The following PRKAR1B variants were observed in gnomAD, a reference collection of about 807,000 sequenced individuals.
The protein encoded by PRKAR1B is protein kinase cAMP-dependent type I regulatory subunit beta.
PRKAR1B carries 22 observed loss-of-function variants against 46.5 expected under a neutral mutation model. The ratio of observed to expected loss-of-function variants is 0.47; its 90% CI spans 0.34 to 0.68. The LOEUF is 0.68. Among genes scored for constraint, PRKAR1B ranks in the 30% least tolerant of loss-of-function variants. The probability of loss-of-function intolerance (pLI) is 0.01; values close to 1 mark genes in which losing one functional copy is unlikely to be tolerated. For missense variants in PRKAR1B, 445 were observed against 535.6 expected, an observed-to-expected ratio of 0.83 and a Z score of 1.67; for synonymous variants, 259 against 217.7, an observed-to-expected ratio of 1.19 and a Z score of -1.67.
intron 4 of PRKAR1B, among the ~76,000 whole-genome samples, chr7:665,389 G>A (rs548348912): frequency 1.1e-4 from 17 of 152,250 alleles, no homozygotes; most frequent in African/African-American, 3.9e-4. Flanking sequence ...CGGCAGCCTC[G>A]GGGGCCACGG....
intron 9 of PRKAR1B, among the ~76,000 whole-genome samples, chr7:553,488 G>A (rs1439168074): frequency 3.3e-5 from 5 of 152,220 alleles, no homozygotes; most frequent in African/African-American, 1.2e-4. Context: ...CTGAGGCCCA[G>A]GAAGGTGGCA....
chr7:667,299 T>C lies in PRKAR1B; in HGVS notation c.440+9930A>G, dbSNP rs77571064. Among the ~76,000 whole-genome samples the C allele has an allele frequency of 0.028, 4,262 of 152,302 alleles. 213 individuals are homozygous for C. The highest frequency in any genetic ancestry group is 0.097 in the African/African-American group (4,017 of 41,536). On this transcript the variant is annotated intron_variant, in intron 4 of 10. Coordinates refer to ENST00000537384, the MANE Select transcript of PRKAR1B (RefSeq NM_001164760.2). The surrounding 1 kb of genome is among the most constrained non-coding windows in gnomAD (Gnocchi z 4.3). The stretch of plus-strand genomic sequence containing the variant: ...CTTGCTTTATATTCTCACAACAACC[T>C]CAAAGTAGGTTTTATTATCTTCATT...
intron 8 of PRKAR1B, among the ~76,000 whole-genome samples, chr7:583,821 C>T (rs959398868): frequency 4.6e-5 from 7 of 151,702 alleles, no homozygotes; most frequent in African/African-American, 9.7e-5. Context: ...TGCACACACA[C>T]GCACACACAC....
rs1451653641 is a variant in PRKAR1B at position 593,964 on chromosome 7, C to T, written c.708+2182G>A. 2.0e-5 allele frequency among the ~76,000 whole-genome samples: 3 copies of T among 152,166 alleles called. No individual in the cohort carries two copies. Among genetic ancestry groups the T allele is most frequent in the African/African-American group, 4.8e-5 (2 of 41,446 alleles). On this transcript the variant is annotated intron_variant, in intron 7 of 10. Coordinates refer to ENST00000537384, the MANE Select transcript of PRKAR1B (RefSeq NM_001164760.2). The surrounding 1 kb of genome is among the most constrained non-coding windows in gnomAD (Gnocchi z 6.1). ...ACAAGAGCCGGCATCGCCGTGGGGCCGGGACAGGCCAGCGCCAGCAGGACA... is the reference window on the plus strand; with the variant it reads ...ACAAGAGCCGGCATCGCCGTGGGGCTGGGACAGGCCAGCGCCAGCAGGACA...
Position 584,587 on chromosome 7 carries a change from A to G in PRKAR1B, c.709-19T>C. The G allele has an allele frequency of 6.2e-7, 1 of 1,605,328 alleles. No individual in the cohort carries two copies. Among genetic ancestry groups the G allele is most frequent in the Non-Finnish European group, 8.5e-7 (1 of 1,173,310 alleles). ...TGCTGCCCTGTTCGGGAGAAAGTAA[A>G]AAACAGACAAGAAGGTGAATCTTCA... On this transcript the variant is annotated intron_variant, in intron 7 of 10. Transcript: ENST00000537384.
At chr7:653,780 T>C (rs1482013539) in intron 4 of PRKAR1B, among the ~76,000 whole-genome samples, 4 of 152,142 alleles carry the variant, frequency 2.6e-5, no homozygotes, top group Non-Finnish European at 4.4e-5. Flanking sequence ...AAATGGGTTA[T>C]ATACACTTAA....
In PRKAR1B at chr7:667,887, G is replaced by C. The variant is rs753217047; in HGVS notation, c.440+9342C>G. ...CACCATCCTAGAAGGACAGGCAGGC[G>C]GTCTGGGGGAGTTGCAGCCTCCCTC... On this transcript the variant is annotated intron_variant, in intron 4 of 10. Transcript: ENST00000537384. This position sits in a 1 kb window ranked among gnomAD's most constrained non-coding sequence, Gnocchi z 4.3. 6.6e-6 allele frequency among the ~76,000 whole-genome samples: 1 copy of C among 152,180 alleles called. No individual in the cohort carries two copies. Among genetic ancestry groups the C allele is most frequent in the South Asian group, 2.1e-4 (1 of 4,828 alleles).
chr7:684,073 C>T (rs1562614266), intron 2 of PRKAR1B, among the ~76,000 whole-genome samples: 1 of 152,018 alleles, frequency 6.6e-6, no homozygotes, highest in Non-Finnish European at 1.5e-5. Context: ...CCGATGCCCA[C>T]CTCCATGTGC....
At chr7:555,006 C>T (rs912309155) in intron 9 of PRKAR1B, among the ~76,000 whole-genome samples, 9 of 152,186 alleles carry the variant, frequency 5.9e-5, no homozygotes, top group Non-Finnish European at 1.2e-4. Flanking sequence ...GCTGCCGTGG[C>T]TCCGGGAGTC....
intron 4 of PRKAR1B, among the ~76,000 whole-genome samples, chr7:674,089 C>T (rs1009631599): frequency 4.6e-5 from 7 of 152,248 alleles, no homozygotes; most frequent in African/African-American, 1.7e-4. Flanking sequence ...CTCACTTCAT[C>T]ACATCTGCAA....
intron 4 of PRKAR1B, among the ~76,000 whole-genome samples, chr7:673,512 G>C (rs1395042347): frequency 6.6e-6 from 1 of 151,920 alleles, no homozygotes; most frequent in African/African-American, 2.4e-5. Context: ...AGCCAGGCAT[G>C]GTGGCGGGCG....
At chr7:642,970 A>T (rs1784465278) in intron 4 of PRKAR1B, among the ~76,000 whole-genome samples, 1 of 151,280 alleles carries the variant, frequency 6.6e-6, no homozygotes, top group Non-Finnish European at 1.5e-5. Context: ...CCCCTTCTGT[A>T]AAGGATGGAT....
intron 6 of PRKAR1B, among the ~76,000 whole-genome samples, chr7:600,933 C>T (rs1404429699): frequency 1.3e-5 from 2 of 152,214 alleles, no homozygotes; most frequent in South Asian, 2.1e-4. Flanking sequence ...AACACACGGA[C>T]GGCAGCAGGC....
chr7:567,541 C>CCATCAT (rs1382469535), intron 9 of PRKAR1B, among the ~76,000 whole-genome samples: 1 of 148,082 alleles, frequency 6.8e-6, no homozygotes, highest in Admixed American at 6.7e-5. Flanking sequence ...ATCACTATCA[C>CCATCAT]CATCATCATC....
At chr7:605,641 A>C (rs1426827540) in intron 6 of PRKAR1B, among the ~76,000 whole-genome samples, 1 of 152,120 alleles carries the variant, frequency 6.6e-6, no homozygotes, top group Non-Finnish European at 1.5e-5. Context: ...AAACAGTGGG[A>C]GCATCTCATA....
chr7:662,746 C>T (rs945791807), intron 4 of PRKAR1B, among the ~76,000 whole-genome samples: 26 of 152,184 alleles, frequency 1.7e-4, no homozygotes, highest in Non-Finnish European at 3.2e-4. Context: ...TGCCTGAGCT[C>T]CCCTCCAGTC....
At chr7:648,248 G>A (rs930850476) in intron 4 of PRKAR1B, among the ~76,000 whole-genome samples, 1 of 152,074 alleles carries the variant, frequency 6.6e-6, no homozygotes, top group Non-Finnish European at 1.5e-5. Flanking sequence ...GCAAAAAGGA[G>A]TAATTTCTGG....
At chr7:642,014 C>A (rs1784415361) in intron 4 of PRKAR1B, among the ~76,000 whole-genome samples, 1 of 152,050 alleles carries the variant, frequency 6.6e-6, no homozygotes, top group Non-Finnish European at 1.5e-5. Context: ...GGGATCCGCC[C>A]TCCTCCCTCC....
rs530747068 is a variant in PRKAR1B at position 607,387 on chromosome 7, G to A, written c.502+4C>T. 17 of 1,612,536 alleles carry A rather than the reference G, an allele frequency of 1.1e-5. No homozygotes were observed. The highest frequency in any genetic ancestry group is 1.7e-4 in the Middle Eastern group (1 of 6,042). ...TTTGGCTCCGAGGAGCAGGCAGAAC[G>A]TACCTTGCTGTATAACAGTCTCCCC... On this transcript the variant is annotated splice_donor_region_variant and intron_variant, in intron 5 of 10. Transcript: ENST00000537384.
Sources: gnomAD v4.1 joint callset for allele counts (sites outside exome capture counted in the v4.1 genomes callset) on GRCh38, gnomAD v4.1.1 for gene constraint, Gnocchi (gnomAD v3.1) non-coding constraint, MANE v1.5 for transcripts, NCBI Gene and HGNC (gene_info 2026-07-23, HGNC 2026-07-21) for gene names.